The following CASR variants were observed in gnomAD, a reference collection of about 807,000 sequenced individuals.
CASR encodes calcium sensing receptor.
A neutral mutation model predicts 69.1 loss-of-function variants in CASR; 23 were observed. The ratio of observed to expected loss-of-function variants is 0.33; its 90% CI spans 0.24 to 0.47. The LOEUF (loss-of-function observed/expected upper bound fraction) is 0.47. Among genes scored for constraint, CASR ranks in the 20% least tolerant of loss-of-function variants. CASR has a pLI of 1.00. For missense variants in CASR, 924 were observed against 1,356.1 expected, an observed-to-expected ratio of 0.68 and a Z score of 5.00; for synonymous variants, 541 against 544.7, an observed-to-expected ratio of 0.99 and a Z score of 0.10.
intron 4 of CASR, among the ~76,000 whole-genome samples, chr3:122,272,091 G>GTACACACACA (rs55688288): frequency 0.084 from 12,529 of 148,768 alleles, 765 homozygotes; most frequent in Non-Finnish European, 0.12. Context: ...TCCTAGGAAT[G>GTACACACACA]CACACACACA....
At chr3:122,202,204 G>A (rs749631738) in intron 1 of CASR, among the ~76,000 whole-genome samples, 2 of 152,286 alleles carry the variant, frequency 1.3e-5, no homozygotes, top group Non-Finnish European at 1.5e-5. Flanking sequence ...ATCACTCGCA[G>A]CTAGGAGCTG....
chr3:122,282,134 C>A lies in CASR; in HGVS notation c.1630C>A (p.Arg544=). 1 of 1,614,204 alleles carries A rather than the reference C, an allele frequency of 6.2e-7. No homozygotes were observed. Among genetic ancestry groups the A allele is most frequent in the Non-Finnish European group, 8.5e-7 (1 of 1,180,040 alleles). The part of the protein sequence containing the change: ...SREVPFSNCS[R]DCLAGTRKGI... Reference sequence around the variant, plus strand: ...CCAGGTGCCCTTCTCCAACTGCAGCCGAGACTGCCTGGCAGGGACCAGGAA... The same window carrying A: ...CCAGGTGCCCTTCTCCAACTGCAGCAGAGACTGCCTGGCAGGGACCAGGAA... Residue 544 remains arginine (R), a synonymous_variant, in exon 6 of 7, where the codon CGA becomes AGA. Transcript: ENST00000639785.
intron 1 of CASR, among the ~76,000 whole-genome samples, chr3:122,224,501 C>G (rs1274332164): frequency 6.6e-6 from 1 of 152,092 alleles, no homozygotes; most frequent in Non-Finnish European, 1.5e-5. Flanking sequence ...TAAAAGTTCT[C>G]AACAACAAAA....
chr3:122,260,968 A>G (rs2074614565), intron 3 of CASR, among the ~76,000 whole-genome samples: 1 of 152,174 alleles, frequency 6.6e-6, no homozygotes, highest in South Asian at 2.1e-4. Context: ...ATTAGGCAGA[A>G]TAAGAAAAGG....
chr3:122,261,583 T>C lies in CASR; in HGVS notation c.548T>C (p.Phe183Ser), dbSNP rs1064794824. 1 of 1,614,078 alleles carries C rather than the reference T, an allele frequency of 6.2e-7. No individual in the cohort carries two copies. The highest frequency in any genetic ancestry group is 1.7e-5 in the Admixed American group (1 of 60,006). ...LLSNKNQFKS[F>S]LRTIPNDEHQ... ...AGCAACAAGAATCAATTCAAGTCTT[T>C]CCTCCGAACCATCCCCAATGATGAG... is the stretch of plus-strand genomic sequence containing the variant. The change falls in exon 4 of 7, where the codon TTC becomes TCC. Residue 183 changes from phenylalanine to serine, a missense_variant. This residue lies in a region of CASR where 141 missense variants were observed against 283.0 expected (regional missense o/e 0.50). Coordinates refer to ENST00000639785, the MANE Select transcript of CASR (RefSeq NM_000388.4).
At chr3:122,249,429 A>C (rs1297993172) in intron 1 of CASR, among the ~76,000 whole-genome samples, 1 of 152,256 alleles carries the variant, frequency 6.6e-6, no homozygotes, top group Non-Finnish European at 1.5e-5. Flanking sequence ...CCTGGTATCT[A>C]GCACATAGAG....
rs1311951896 is a variant in CASR, at chr3:122,281,495, G to A, written c.1609-618G>A. Among the ~76,000 whole-genome samples the A allele has an allele frequency of 2.0e-5, 3 of 152,142 alleles. No homozygotes were observed. In the East Asian group the frequency reaches 5.8e-4, roughly 29 times the overall value. On this transcript the variant is annotated intron_variant, in intron 5 of 6. Transcript: ENST00000639785. Reference sequence around the variant, plus strand: ...TTAATGTTTTCTCTATATGAATGATGTTTACTCTAAGAGGTTTTTTGTTAC... The same window carrying A: ...TTAATGTTTTCTCTATATGAATGATATTTACTCTAAGAGGTTTTTTGTTAC...
rs992217447 is a variant in CASR, at chr3:122,290,372, G to A, written c.*5181G>A. On this transcript the variant is annotated 3_prime_UTR_variant, in exon 7 of 7. Transcript: ENST00000639785. ...TCAGGAAATGTTTTTGGAAGAATGT[G>A]ATTGTCTTCGTTGATATCAACCCAA... 2.6e-5 allele frequency: 4 copies of A among 152,184 alleles called. No individual in the cohort carries two copies. Among genetic ancestry groups the A allele is most frequent in the Admixed American group, 6.5e-5 (1 of 15,278 alleles). The allele number at this position is 152,184 out of a possible 1,614,324, so 9.4% of individuals were successfully genotyped here.
At chr3:122,196,169 G>C (rs2073886953) in intron 1 of CASR, among the ~76,000 whole-genome samples, 1 of 152,114 alleles carries the variant, frequency 6.6e-6, no homozygotes, top group Non-Finnish European at 1.5e-5. Context: ...AGACTATGTA[G>C]TGACATAGAA....
At chr3:122,279,633 G>GA in intron 5 of CASR, among the ~76,000 whole-genome samples, 1 of 152,060 alleles carries the variant, frequency 6.6e-6, no homozygotes. Context: ...AGTAGACACA[G>GA]AAAAAGTATC....
intron 1 of CASR, among the ~76,000 whole-genome samples, chr3:122,227,464 G>T (rs970765543): frequency 2.0e-5 from 3 of 152,192 alleles, no homozygotes; most frequent in Non-Finnish European, 4.4e-5. Flanking sequence ...CCAGCCAGCT[G>T]CTCCAAGTGC....
intron 3 of CASR, among the ~76,000 whole-genome samples, chr3:122,260,858 T>C (rs2074612772): frequency 1.3e-5 from 2 of 152,094 alleles, no homozygotes; most frequent in Middle Eastern, 3.2e-3. Context: ...AAAGAAACAG[T>C]TCTCAGAAAT....
At chr3:122,270,691 T>A (rs2074748158) in intron 4 of CASR, among the ~76,000 whole-genome samples, 1 of 152,202 alleles carries the variant, frequency 6.6e-6, no homozygotes, top group African/African-American at 2.4e-5. Flanking sequence ...AATTTTGATA[T>A]GCTGTGTTTT....
At chr3:122,201,166 T>TACAAA (rs2073946836) in intron 1 of CASR, among the ~76,000 whole-genome samples, 1 of 152,182 alleles carries the variant, frequency 6.6e-6, no homozygotes, top group South Asian at 2.1e-4. Context: ...AGTGTTTGTG[T>TACAAA]CCCTGGGTAC....
chr3:122,242,153 T>C (rs1434492677), intron 1 of CASR, among the ~76,000 whole-genome samples: 5 of 152,148 alleles, frequency 3.3e-5, no homozygotes, highest in African/African-American at 1.2e-4. Flanking sequence ...ACCACTGTTA[T>C]TAACATAGTA....
chr3:122,223,990 C>T (rs2074198696), intron 1 of CASR, among the ~76,000 whole-genome samples: 1 of 152,046 alleles, frequency 6.6e-6, no homozygotes, highest in Non-Finnish European at 1.5e-5. Context: ...AATTCAACAG[C>T]CCTTCATATT....
At chr3:122,255,318 G>T (rs2074543346) in intron 2 of CASR, among the ~76,000 whole-genome samples, 1 of 152,166 alleles carries the variant, frequency 6.6e-6, no homozygotes, top group Non-Finnish European at 1.5e-5. Context: ...AGAGAGACTT[G>T]CAACTTCCAG....
At chr3:122,221,318 A>T (rs9828311) in intron 1 of CASR, among the ~76,000 whole-genome samples, 139,287 of 152,240 alleles carry the variant, frequency 0.91, 64,180 homozygotes, top group African/African-American at 0.94. Context: ...CAATGCTCAC[A>T]GTTCCAGCTG....
chr3:122,243,630 C>A (rs982139467), intron 1 of CASR, among the ~76,000 whole-genome samples: 8 of 152,008 alleles, frequency 5.3e-5, no homozygotes, highest in Non-Finnish European at 1.2e-4. Flanking sequence ...CCTCAAAAAA[C>A]TAAAAATAGA....
Sources: allele counts gnomAD v4.1 joint callset (sites outside exome capture counted in the v4.1 genomes callset), GRCh38; gene constraint gnomAD v4.1.1; regional missense constraint gnomAD v4.1.1; transcripts MANE v1.5; gene names NCBI Gene and HGNC (gene_info 2026-07-23, HGNC 2026-07-21).